RUFY1: variants seen among roughly 807,000 people sequenced by gnomAD.
The protein encoded by RUFY1 is RUN and FYVE domain containing 1.
A neutral mutation model predicts 94.6 loss-of-function variants in RUFY1; 54 were observed. The observed-to-expected ratio is 0.57, with a 90% CI of 0.46 to 0.72. The LOEUF (loss-of-function observed/expected upper bound fraction) is 0.72. Among genes scored for constraint, RUFY1 ranks in the 30% least tolerant of loss-of-function variants. The pLI, the probability that RUFY1 is intolerant of heterozygous loss-of-function variation, is 0.00. For missense variants in RUFY1, 883 were observed against 883.9 expected (o/e 1.00, Z 0.01); for synonymous variants, 396 against 347.3 (o/e 1.14, Z -1.56).
At chr5:179,560,799 A>T (rs1459760677) in intron 2 of RUFY1, among the ~76,000 whole-genome samples, 2 of 152,112 alleles carry the variant, frequency 1.3e-5, no homozygotes, top group African/African-American at 4.8e-5. Context: ...TAAAACTTTT[A>T]AAAATTAAGA....
intron 5 of RUFY1, among the ~76,000 whole-genome samples, chr5:179,573,997 G>A (rs1763424180): frequency 6.6e-6 from 1 of 151,980 alleles, no homozygotes; most frequent in Non-Finnish European, 1.5e-5. Context: ...TGTAAACCCT[G>A]GATTTGATAT....
At chr5:179,564,234 C>T (rs1433756274) in intron 3 of RUFY1, among the ~76,000 whole-genome samples, 2 of 151,470 alleles carry the variant, frequency 1.3e-5, no homozygotes, top group Admixed American at 6.6e-5. Context: ...ATTCTCCTGC[C>T]TCTGCCTCCC....
intron 7 of RUFY1, among the ~76,000 whole-genome samples, chr5:179,585,533 C>G (rs533758986): frequency 3.0e-4 from 45 of 152,324 alleles, no homozygotes; most frequent in Non-Finnish European, 5.1e-4. Flanking sequence ...GAGCCAAGAT[C>G]ACTCCACTGC....
chr5:179,559,892 C>T (rs1762307739), intron 1 of RUFY1, 133 bp from the exon 2 acceptor site: 2 of 1,431,072 alleles, frequency 1.4e-6, no homozygotes, highest in Middle Eastern at 2.5e-4. Flanking sequence ...TCCCGGTTGC[C>T]CGCCCGCCAG....
intron 5 of RUFY1, chr5:179,572,207 A>G (rs368718780): frequency 9.8e-6 from 3 of 306,828 alleles, no homozygotes; most frequent in East Asian, 1.4e-4. Flanking sequence ...CTTCAAGGCC[A>G]TTGCCCTGGT....
At chr5:179,561,678 CTTTTTTTTTT>C (rs71001004) in intron 2 of RUFY1, among the ~76,000 whole-genome samples, 6 of 64,608 alleles carry the variant, frequency 9.3e-5, no homozygotes, top group African/African-American at 2.5e-4. Context: ...TTTTTTCTTT[CTTTTTTTTTT>C]TTTTTTTTTT....
At chr5:179,608,575 T>C in intron 17 of RUFY1, 1 of 985,478 alleles carries the variant, frequency 1.0e-6, no homozygotes, top group Non-Finnish European at 1.2e-6. Flanking sequence ...TCCTGTAACA[T>C]GGACTAGCAG....
At position 179,560,047 on chromosome 5, in the gene RUFY1, G is replaced by C. The variant is rs985928018; in HGVS notation, c.333G>C (p.Glu111Asp). 1 of 1,613,832 alleles carries C rather than the reference G, an allele frequency of 6.2e-7. No homozygotes were observed. The highest frequency in any genetic ancestry group is 8.5e-7 in the Non-Finnish European group (1 of 1,179,908). ...CAGCTTCTAAGTGCCAGATGATGGA[G>C]GAGCGTGCCAACCTGATGCACATGA... ...ARAASKCQMM[E>D]ERANLMHMMK... Residue 111 changes from glutamate (E) to aspartate (D), a missense_variant, in exon 2 of 18, where the codon GAG becomes GAC. Coordinates refer to ENST00000319449, the MANE Select transcript of RUFY1 (RefSeq NM_025158.5).
At chr5:179,572,558 G>T in intron 5 of RUFY1, 1 of 229,998 alleles carries the variant, frequency 4.3e-6, no homozygotes, top group South Asian at 6.6e-5. Context: ...TGGCAAGGGT[G>T]ACTTTTGCCA....
intron 2 of RUFY1, among the ~76,000 whole-genome samples, chr5:179,560,499 C>G (rs1762363890): frequency 6.6e-6 from 1 of 151,492 alleles, no homozygotes; most frequent in Non-Finnish European, 1.5e-5. Flanking sequence ...GCGGGCGGAT[C>G]ACGAGGTCAG....
chr5:179,603,447 G>C (rs11249649), intron 15 of RUFY1, among the ~76,000 whole-genome samples: 43,249 of 146,004 alleles, frequency 0.3, 6,773 homozygotes, highest in East Asian at 0.65. Context: ...CACCCACTCA[G>C]CTGAGTGCCC....
intron 1 of RUFY1, among the ~76,000 whole-genome samples, chr5:179,559,129 G>A (rs1229717028): frequency 3.3e-5 from 5 of 152,198 alleles, no homozygotes; most frequent in African/African-American, 1.2e-4. Context: ...GGTGAGGGCC[G>A]CGCTTCGCAC....
chr5:179,600,511 T>A (rs544470588), intron 14 of RUFY1, among the ~76,000 whole-genome samples: 1 of 152,192 alleles, frequency 6.6e-6, no homozygotes, highest in Non-Finnish European at 1.5e-5. Context: ...AGCAGCTTTT[T>A]CAGAATTGAA....
At chr5:179,569,935 G>A (rs1049888432) in intron 5 of RUFY1, among the ~76,000 whole-genome samples, 9 of 152,212 alleles carry the variant, frequency 5.9e-5, no homozygotes, top group African/African-American at 1.9e-4. Context: ...TAATAGAGAC[G>A]GGGTTTCACC....
At chr5:179,550,948 T>C (rs1761806675) in intron 1 of RUFY1, 69 bp downstream of exon 1, 4 of 1,010,624 alleles carry the variant, frequency 4.0e-6, no homozygotes, top group Non-Finnish European at 4.7e-6. Flanking sequence ...GCGGGCGCGG[T>C]GGGGGCCGGG....
rs1561960839 is a variant in RUFY1, at chr5:179,560,031, A to C, written c.317A>C (p.Lys106Thr). 1 of 1,613,324 alleles carries C rather than the reference A, an allele frequency of 6.2e-7. No homozygotes were observed. The highest frequency in any genetic ancestry group is 1.3e-5 in the African/African-American group (1 of 75,050). ...CCCTGCTCCTGCCCCACAGCTTCTA[A>C]GTGCCAGATGATGGAGGAGCGTGCC... ...SGDGTARAAS[K>T]CQMMEERANL... Residue 106 changes from lysine (K) to threonine (T), a missense_variant, in exon 2 of 18, where the codon AAG (lysine) becomes ACG (threonine). By Grantham distance (78) the Lys-to-Thr change is moderately conservative. Coordinates refer to ENST00000319449, the MANE Select transcript of RUFY1 (RefSeq NM_025158.5).
chr5:179,583,952 G>C (rs933674212), intron 7 of RUFY1, among the ~76,000 whole-genome samples: 8 of 151,076 alleles, frequency 5.3e-5, no homozygotes, highest in African/African-American at 7.3e-5. Flanking sequence ...GTTTCACCGT[G>C]TTAGCCAGGA....
intron 15 of RUFY1, among the ~76,000 whole-genome samples, chr5:179,604,345 A>G (rs1247942505): frequency 6.6e-6 from 1 of 152,140 alleles, no homozygotes; most frequent in Non-Finnish European, 1.5e-5. Context: ...TTCCAGTTTC[A>G]TTGGCTTGGG....
chr5:179,567,923 C>A (rs895031996), intron 4 of RUFY1, among the ~76,000 whole-genome samples: 10 of 150,334 alleles, frequency 6.7e-5, no homozygotes, highest in African/African-American at 2.2e-4. Context: ...ATAATTAGAA[C>A]ATAGTTCTGT....
Sources: allele counts gnomAD v4.1 joint callset (sites outside exome capture counted in the v4.1 genomes callset), GRCh38; gene constraint gnomAD v4.1.1; transcripts MANE v1.5; gene names NCBI Gene and HGNC (gene_info 2026-07-23, HGNC 2026-07-21).